DMD: variants seen among roughly 807,000 people sequenced by gnomAD.
The protein encoded by DMD is mutant dystrophin.
DMD carries 63 observed loss-of-function variants against 330.1 expected under a neutral mutation model. The ratio of observed to expected loss-of-function variants is 0.19; its 90% CI spans 0.16 to 0.24. DMD has a LOEUF of 0.24. Among genes scored for constraint, DMD ranks in the 10% least tolerant of loss-of-function variants. The probability of loss-of-function intolerance (pLI) is 1.00; values close to 1 mark genes in which losing one functional copy is unlikely to be tolerated. For missense variants in DMD, 3,344 were observed against 2,684.1 expected (o/e 1.25, Z -5.43); for synonymous variants, 1,223 against 959.8 (o/e 1.27, Z -5.07).
intron 55 of DMD, among the ~76,000 whole-genome samples, chrX:31,589,733 C>A (rs2076784120): frequency 9.0e-6 from 1 of 111,393 alleles, no homozygotes; most frequent in Admixed American, 9.6e-5. Context: ...GCCTAAAACA[C>A]ATTAAATAGA....
chrX:32,027,183 C>CAGAG lies in DMD; in HGVS notation c.6439-58673_6439-58670dup, dbSNP rs1557075867. Among the ~76,000 whole-genome samples the CAGAG allele has an allele frequency of 6.2e-5, 6 of 97,526 alleles. No individual in the cohort carries two copies. The East Asian group carries it at 1.0e-3, about 17-fold the overall frequency. The allele number at this position is 97,526 out of a possible 115,157, so 84.7% of individuals were successfully genotyped here. A position where few individuals can be genotyped will look rare whatever the true frequency, so the allele number is the denominator to read the frequency against. ...GCACGTGCACACACACACACACACA[C>CAGAG]AGAGAGAGAGAGAGAGAGAGAGAAG... is the stretch of plus-strand genomic sequence containing the variant. On this transcript the variant is annotated intron_variant, in intron 44 of 78. Coordinates refer to ENST00000357033, the MANE Select transcript of DMD (RefSeq NM_004006.3).
chrX:31,395,731 T>C (rs1410257423), intron 60 of DMD, among the ~76,000 whole-genome samples: 6 of 112,215 alleles, frequency 5.3e-5, no homozygotes, highest in Admixed American at 9.5e-5. Context: ...CCAGTCCTGA[T>C]ACTGTTGGGC....
intron 38 of DMD, among the ~76,000 whole-genome samples, chrX:32,347,187 TATC>T (rs1175773410): frequency 9.0e-6 from 1 of 111,658 alleles, no homozygotes; most frequent in Non-Finnish European, 1.9e-5. Context: ...ATTATATACT[TATC>T]ATAATATAGA....
At chrX:32,931,906 G>A (rs2089627252) in intron 2 of DMD, among the ~76,000 whole-genome samples, 1 of 111,853 alleles carries the variant, frequency 8.9e-6, no homozygotes, top group Non-Finnish European at 1.9e-5. Context: ...GGGTTCAGTG[G>A]TAGCTATGAC....
intron 43 of DMD, among the ~76,000 whole-genome samples, chrX:32,218,929 T>G (rs944264696): frequency 1.8e-5 from 2 of 111,688 alleles, no homozygotes; most frequent in African/African-American, 6.5e-5. Flanking sequence ...AAAGTGATAG[T>G]TCTAGAGGTT....
chrX:32,099,912 T>G (rs1179350144), intron 44 of DMD, among the ~76,000 whole-genome samples: 1 of 109,663 alleles, frequency 9.1e-6, no homozygotes, highest in Non-Finnish European at 1.9e-5. Flanking sequence ...AAAGGATGTA[T>G]CCTACCATGA....
chrX:32,051,961 T>A (rs1423688576), intron 44 of DMD, among the ~76,000 whole-genome samples: 1 of 111,986 alleles, frequency 8.9e-6, no homozygotes, highest in Non-Finnish European at 1.9e-5. Flanking sequence ...TCCATTGTAA[T>A]GGAGATCATG....
intron 1 of DMD, among the ~76,000 whole-genome samples, chrX:33,080,831 A>T (rs763455435): frequency 8.9e-6 from 1 of 112,049 alleles, no homozygotes; most frequent in East Asian, 2.8e-4. Context: ...TTTAACAATA[A>T]TCTTTAAAAT....
chrX:32,193,479 G>T, intron 44 of DMD, among the ~76,000 whole-genome samples: 1 of 111,511 alleles, frequency 9.0e-6, no homozygotes, highest in African/African-American at 3.3e-5. Flanking sequence ...AGGCTTTATG[G>T]CTTCACCTCT....
intron 2 of DMD, among the ~76,000 whole-genome samples, chrX:32,913,003 T>C (rs1218440243): frequency 8.9e-6 from 1 of 112,312 alleles, no homozygotes; most frequent in Non-Finnish European, 1.9e-5. Flanking sequence ...AAATTAAGTT[T>C]ATTTTTGTTT....
At chrX:32,219,377 T>C (rs1003141457) in intron 43 of DMD, among the ~76,000 whole-genome samples, 3 of 112,162 alleles carry the variant, frequency 2.7e-5, no homozygotes, top group African/African-American at 9.7e-5. Flanking sequence ...AGAGTTGCTT[T>C]TGAATGAGAA....
At chrX:31,628,361 T>C (rs1275323804) in intron 54 of DMD, among the ~76,000 whole-genome samples, 1 of 110,002 alleles carries the variant, frequency 9.1e-6, no homozygotes. Flanking sequence ...AGGAGAAAAG[T>C]CAAGAAAATA....
chrX:33,279,355 T>C (rs1044213623), intron 1 of DMD, among the ~76,000 whole-genome samples: 2 of 111,286 alleles, frequency 1.8e-5, no homozygotes, highest in Non-Finnish European at 3.8e-5. Flanking sequence ...AGATTGTTAT[T>C]TTTTTTCACT....
At chrX:31,260,415 G>A (rs1343472106) in intron 63 of DMD, among the ~76,000 whole-genome samples, 1 of 111,876 alleles carries the variant, frequency 8.9e-6, no homozygotes, top group African/African-American at 3.3e-5. Context: ...GTTATGAGGG[G>A]AAAGAAAACA....
chrX:32,689,546 G>A (rs905116776), intron 9 of DMD, among the ~76,000 whole-genome samples: 2 of 111,112 alleles, frequency 1.8e-5, no homozygotes, highest in Non-Finnish European at 3.8e-5. Flanking sequence ...AGTGGAGGGA[G>A]CACTTCCAAA....
At chrX:31,169,203 C>T (rs1236461741) in intron 74 of DMD, among the ~76,000 whole-genome samples, 1 of 110,332 alleles carries the variant, frequency 9.1e-6, no homozygotes, top group Non-Finnish European at 1.9e-5. Context: ...CAAATACCAC[C>T]ATCAGCATTA....
chrX:32,055,921 CT>C (rs1298389473), intron 44 of DMD, among the ~76,000 whole-genome samples: 3 of 110,878 alleles, frequency 2.7e-5, no homozygotes, highest in Non-Finnish European at 3.8e-5. Flanking sequence ...ACAAAGAAAT[CT>C]TTCTTTTTCT....
At chrX:31,338,419 T>A (rs1295380634) in intron 61 of DMD, among the ~76,000 whole-genome samples, 1 of 108,369 alleles carries the variant, frequency 9.2e-6, no homozygotes, top group African/African-American at 3.4e-5. Flanking sequence ...TGAGCCAAGA[T>A]CACGCCATTG....
intron 55 of DMD, among the ~76,000 whole-genome samples, chrX:31,540,248 T>C (rs2073721156): frequency 8.9e-6 from 1 of 112,382 alleles, no homozygotes; most frequent in South Asian, 3.7e-4. Context: ...GTACATCTTC[T>C]GATGTCTAAA....
Sources: allele counts gnomAD v4.1 joint callset (sites outside exome capture counted in the v4.1 genomes callset), GRCh38; gene constraint gnomAD v4.1.1; transcripts MANE v1.5; gene names NCBI Gene and HGNC (gene_info 2026-07-23, HGNC 2026-07-21).